The following CHL1 variants were observed in gnomAD, a reference collection of about 807,000 sequenced individuals.
CHL1 encodes the protein cell adhesion molecule L1 like.
A neutral mutation model predicts 141.9 loss-of-function variants in CHL1; 96 were observed. The ratio of observed to expected loss-of-function variants is 0.68; its 90% CI spans 0.57 to 0.80. The LOEUF (loss-of-function observed/expected upper bound fraction) is 0.80, where lower values mean the gene tolerates loss of function less well. CHL1 is among the 30% of genes least tolerant of loss of function. The pLI is 0.00. For missense variants in CHL1, 1,820 were observed against 1,457.2 expected (o/e 1.25, Z -4.05); for synonymous variants, 613 against 502.2 (o/e 1.22, Z -2.95).
At chr3:325,277 A>G (rs1700916305) in intron 3 of CHL1, among the ~76,000 whole-genome samples, 1 of 151,990 alleles carries the variant, frequency 6.6e-6, no homozygotes. Flanking sequence ...TGGCAAAAAT[A>G]TAGAGAACCA....
chr3:391,638 A>G (rs1410360512), intron 22 of CHL1, 37 bp from the exon 23 acceptor site: 28 of 1,509,764 alleles, frequency 1.9e-5, no homozygotes, highest in Non-Finnish European at 2.3e-5. Context: ...AATTTTTCTA[A>G]TTGATGTGAG....
intron 2 of CHL1, among the ~76,000 whole-genome samples, chr3:281,080 T>G (rs770413226): frequency 6.6e-6 from 1 of 152,222 alleles, no homozygotes; most frequent in Non-Finnish European, 1.5e-5. Context: ...TGACTTGTAT[T>G]ACTGGTTTCT....
chr3:200,248 A>C (rs1255821481), intron 1 of CHL1, among the ~76,000 whole-genome samples: 1 of 152,198 alleles, frequency 6.6e-6, no homozygotes, highest in Non-Finnish European at 1.5e-5. Context: ...TTTTCCCTAA[A>C]AATCTAGCAG....
intron 15 of CHL1, among the ~76,000 whole-genome samples, chr3:375,132 T>C (rs903005661): frequency 1.3e-5 from 2 of 152,128 alleles, no homozygotes; most frequent in African/African-American, 4.8e-5. Flanking sequence ...CCCAGGAATT[T>C]TCTGTGGATT....
At chr3:202,600 G>T (rs771287301) in intron 1 of CHL1, among the ~76,000 whole-genome samples, 1 of 152,022 alleles carries the variant, frequency 6.6e-6, no homozygotes, top group African/African-American at 2.4e-5. Flanking sequence ...ATTCTAACAC[G>T]CCCTAATGTA....
chr3:302,062 T>C (rs1042593503), intron 2 of CHL1, among the ~76,000 whole-genome samples: 1 of 152,236 alleles, frequency 6.6e-6, no homozygotes, highest in Admixed American at 6.5e-5. Flanking sequence ...TCCATGTCCC[T>C]GCAAAGGACA....
chr3:274,926 C>T (rs549833452), intron 2 of CHL1, among the ~76,000 whole-genome samples: 8 of 152,156 alleles, frequency 5.3e-5, no homozygotes, highest in Admixed American at 1.3e-4. Flanking sequence ...TTCTGGTGGA[C>T]GCATGTAGCT....
At chr3:236,324 T>C (rs1252907118) in intron 1 of CHL1, among the ~76,000 whole-genome samples, 2 of 152,188 alleles carry the variant, frequency 1.3e-5, no homozygotes, top group East Asian at 3.8e-4. Flanking sequence ...TTGTGCTACA[T>C]GCTGGAGCTG....
At chr3:303,416 G>T (rs1698940199) in intron 2 of CHL1, among the ~76,000 whole-genome samples, 1 of 152,060 alleles carries the variant, frequency 6.6e-6, no homozygotes, top group Non-Finnish European at 1.5e-5. Flanking sequence ...TTGTTTCCTT[G>T]AGCAGTGGTT....
intron 2 of CHL1, among the ~76,000 whole-genome samples, chr3:262,898 G>A (rs1694854756): frequency 6.6e-6 from 1 of 152,164 alleles, no homozygotes; most frequent in Non-Finnish European, 1.5e-5. Context: ...CCCCACTAGG[G>A]TTTCTGGAGT....
chr3:291,387 T>C (rs982155789), intron 2 of CHL1, among the ~76,000 whole-genome samples: 43 of 152,100 alleles, frequency 2.8e-4, no homozygotes, highest in Admixed American at 2.3e-3. Context: ...TGGGTAAGTT[T>C]TATTATACAA....
intron 15 of CHL1, 44 bp from the exon 16 acceptor site, chr3:377,774 C>G (rs780490414): frequency 2.6e-6 from 4 of 1,519,146 alleles, no homozygotes; most frequent in Non-Finnish European, 3.6e-6. Context: ...TCTATCATTT[C>G]TATTGTTTTC....
chr3:222,511 G>A (rs1700936860), intron 1 of CHL1, among the ~76,000 whole-genome samples: 2 of 152,132 alleles, frequency 1.3e-5, no homozygotes, highest in South Asian at 4.2e-4. Flanking sequence ...AGAAGAGCGG[G>A]GGTAGATGGG....
intron 5 of CHL1, among the ~76,000 whole-genome samples, chr3:338,870 G>C (rs1702143126): frequency 6.6e-6 from 1 of 152,164 alleles, no homozygotes. Context: ...TAATGCTTCA[G>C]TGGCAGTACT....
intron 2 of CHL1, among the ~76,000 whole-genome samples, chr3:299,366 G>A (rs1698503516): frequency 6.6e-6 from 1 of 152,148 alleles, no homozygotes; most frequent in Admixed American, 6.6e-5. Flanking sequence ...GGCTAAGTTA[G>A]CAGCATCAGT....
chr3:383,704 A>T (rs1707333792), intron 18 of CHL1, 112 bp from the exon 19 acceptor site: 2 of 627,156 alleles, frequency 3.2e-6, no homozygotes, highest in African/African-American at 1.8e-5. Flanking sequence ...TAAATTAATA[A>T]GTACAATCAA....
chr3:244,142 G>A (rs1196652811), intron 1 of CHL1, among the ~76,000 whole-genome samples: 1 of 152,184 alleles, frequency 6.6e-6, no homozygotes, highest in African/African-American at 2.4e-5. Flanking sequence ...TCACTCTGTA[G>A]TTCAGAGGTC....
At chr3:401,763 A>G in intron 27 of CHL1, 65 bp downstream of exon 27, 1 of 929,406 alleles carries the variant, frequency 1.1e-6, no homozygotes, top group Non-Finnish European at 1.6e-6. Context: ...TAAGTGAACA[A>G]AAAGGTGTTT....
At chr3:348,010 T>C (rs1186039129) in intron 9 of CHL1, among the ~76,000 whole-genome samples, 1 of 152,226 alleles carries the variant, frequency 6.6e-6, no homozygotes, top group Non-Finnish European at 1.5e-5. Flanking sequence ...CCACAAACTA[T>C]CAATACAAAT....
Sources: allele counts gnomAD v4.1 joint callset (sites outside exome capture counted in the v4.1 genomes callset), GRCh38; gene constraint gnomAD v4.1.1; transcripts MANE v1.5; gene names NCBI Gene and HGNC (gene_info 2026-07-23, HGNC 2026-07-21).